The following JMJD1C variants were observed in gnomAD, a reference collection of about 807,000 sequenced individuals.
The protein encoded by JMJD1C is jumonji domain containing 1C, also known as jumonji domain-containing protein 1C.
A neutral mutation model predicts 245.3 loss-of-function variants in JMJD1C; 31 were observed. The observed-to-expected ratio is 0.13, with a 90% CI of 0.09 to 0.17. JMJD1C has a LOEUF of 0.17. JMJD1C is among the 10% of genes least tolerant of loss of function. JMJD1C has a pLI of 1.00. For synonymous variants in JMJD1C, 1,057 were observed against 1,017.4 expected (o/e 1.04, Z -0.74); for missense variants, 2,691 against 3,000.2 (o/e 0.90, Z 2.41).
At chr10:63,519,717 C>G (rs1397423104) in intron 1 of JMJD1C, among the ~76,000 whole-genome samples, 2 of 152,096 alleles carry the variant, frequency 1.3e-5, no homozygotes, top group African/African-American at 2.4e-5. Flanking sequence ...GAATGGGGAG[C>G]AAAGTGTTAA....
chr10:63,277,104 A>G (rs960506008), intron 2 of JMJD1C, among the ~76,000 whole-genome samples: 2 of 151,272 alleles, frequency 1.3e-5, no homozygotes, highest in Non-Finnish European at 3.0e-5. Flanking sequence ...GATGGTCTCG[A>G]TCTCCTGACC....
intron 10 of JMJD1C, chr10:63,203,681 CAAA>C (rs1175058360): frequency 2.0e-6 from 2 of 983,198 alleles, no homozygotes; most frequent in Non-Finnish European, 2.4e-6. Context: ...TTAAGAGAAA[CAAA>C]AAGGTAGCAG....
chr10:63,185,185 C>T (rs1843984447), intron 20 of JMJD1C, among the ~76,000 whole-genome samples: 1 of 152,238 alleles, frequency 6.6e-6, no homozygotes, highest in African/African-American at 2.4e-5. Context: ...GGCTGGAGTT[C>T]AGTGGCACGA....
intron 2 of JMJD1C, among the ~76,000 whole-genome samples, chr10:63,281,451 G>A (rs973407637): frequency 1.5e-5 from 2 of 136,942 alleles, no homozygotes; most frequent in Non-Finnish European, 1.5e-5. Flanking sequence ...GAGCCACTGC[G>A]CCTGGCCTTT....
intron 3 of JMJD1C, among the ~76,000 whole-genome samples, chr10:63,263,982 A>T (rs10995484): frequency 0.031 from 3,364 of 109,994 alleles, 344 homozygotes; most frequent in Non-Finnish European, 0.047. Flanking sequence ...ACACACACAC[A>T]CACACACACA....
chr10:63,193,024 T>A lies in JMJD1C; in HGVS notation c.5990A>T (p.Asp1997Val). ...GSSPESDVGT[D>V]NKLTPPESQS... ...GGATTCTGGAGGAGTTAACTTGTTA[T>A]CTGTGCCTACATCACTCTCTGGGCT... Residue 1997 changes from aspartate (D) to valine (V), a missense_variant, in exon 16 of 26, where the codon GAT becomes GTT. Physicochemically the swap from Asp to Val is radical, Grantham distance 152. This residue lies in a region of JMJD1C where 275 missense variants were observed against 285.5 expected (regional missense o/e 0.96). Coordinates refer to ENST00000399262, the MANE Select transcript of JMJD1C (RefSeq NM_032776.3). The A allele has an allele frequency of 1.2e-6, 2 of 1,614,188 alleles. No individual in the cohort carries two copies. Among genetic ancestry groups the A allele is most frequent in the Non-Finnish European group, 1.7e-6 (2 of 1,180,006 alleles).
intron 3 of JMJD1C, chr10:63,222,616 T>A (rs1589197603): frequency 1.9e-6 from 3 of 1,592,750 alleles, no homozygotes; most frequent in East Asian, 4.5e-5. Context: ...GAAACTCACA[T>A]GCTGAATTTT....
intron 2 of JMJD1C, among the ~76,000 whole-genome samples, chr10:63,307,878 G>A (rs569235581): frequency 1.3e-5 from 2 of 152,158 alleles, no homozygotes; most frequent in East Asian, 1.9e-4. Context: ...GGCTGGGCAC[G>A]GTGGGTCACA....
At chr10:63,493,439 G>A (rs1013033443) in intron 1 of JMJD1C, among the ~76,000 whole-genome samples, 4 of 151,124 alleles carry the variant, frequency 2.6e-5, no homozygotes, top group Non-Finnish European at 4.4e-5. Context: ...CAGCCACCAC[G>A]CCCTGCTAAT....
At chr10:63,521,865 C>G (rs934594940), upstream of JMJD1C, 1 of 169,686 alleles carries the variant, frequency 5.9e-6, no homozygotes, top group African/African-American at 2.4e-5. Flanking sequence ...GCCCCTGCTC[C>G]GGCGGCGCTG....
chr10:63,503,013 A>AT (rs929235440), intron 1 of JMJD1C, among the ~76,000 whole-genome samples: 55 of 152,358 alleles, frequency 3.6e-4, no homozygotes, highest in Admixed American at 1.8e-3. Flanking sequence ...AGATACTATT[A>AT]TTATACCCAT....
At chr10:63,281,914 CT>C (rs1415315547) in intron 2 of JMJD1C, among the ~76,000 whole-genome samples, 2 of 152,014 alleles carry the variant, frequency 1.3e-5, no homozygotes, top group African/African-American at 4.8e-5. Context: ...TGAGGTTAAC[CT>C]AAAATAAAAT....
rs757006564 is a variant in JMJD1C at position 63,183,459 on chromosome 10, G to C, written c.7072C>G (p.Leu2358Val). 5 of 1,603,862 alleles carry C rather than the reference G, an allele frequency of 3.1e-6. No individual in the cohort carries two copies. ...CTTTTAAGTTTACCTGCTTTTGAGA[G>C]AATGCCATTTCCTTTTGCTATGCCA... Reference protein sequence around the residue: ...YVGIAKGNGILSKAGILKKFE... With the variant: ...YVGIAKGNGIVSKAGILKKFE... Residue 2358 changes from leucine to valine, a missense_variant, in exon 22 of 26, where the codon CTC becomes GTC. This residue lies in a region of JMJD1C where 232 missense variants were observed against 416.1 expected (regional missense o/e 0.56). Coordinates refer to ENST00000399262, the MANE Select transcript of JMJD1C (RefSeq NM_032776.3).
intron 19 of JMJD1C, 93 bp from the exon 20 acceptor site, chr10:63,185,746 G>T: frequency 1.3e-6 from 1 of 759,502 alleles, no homozygotes; most frequent in South Asian, 1.5e-5. Flanking sequence ...TGAATGATTT[G>T]ATTGTTGCAC....
At position 63,264,772 on chromosome 10, in the gene JMJD1C, GA is replaced by G. The variant is rs770502308; in HGVS notation, c.334-9del. ...AACCAGAGGTTTGAAAGTCTGCCAA[GA>G]AAAAAAAAATTTCTAATGATAATTT... On this transcript the variant is annotated splice_polypyrimidine_tract_variant and intron_variant, in intron 2 of 25. Transcript: ENST00000399262. 9.5e-4 allele frequency: 1,197 copies of G among 1,264,608 alleles called. No homozygotes were observed. Among genetic ancestry groups the G allele is most frequent in the Admixed American group, 2.0e-3 (90 of 45,490 alleles). 78.3% of individuals were successfully genotyped at this position (1,264,608 alleles called of 1,614,324 possible). A position where few individuals can be genotyped will look rare whatever the true frequency, so the allele number is the denominator to read the frequency against.
intron 1 of JMJD1C, among the ~76,000 whole-genome samples, chr10:63,513,857 G>C (rs189968261): frequency 1.3e-5 from 2 of 152,248 alleles, no homozygotes; most frequent in Admixed American, 1.3e-4. Context: ...AGCGTGCAGT[G>C]AGCCGAGATC....
At chr10:63,475,605 A>C (rs767084935) in intron 1 of JMJD1C, among the ~76,000 whole-genome samples, 9 of 152,202 alleles carry the variant, frequency 5.9e-5, no homozygotes, top group Non-Finnish European at 1.0e-4. Context: ...AGGATTATCA[A>C]GAATAGAGGA....
chr10:63,370,588 C>T (rs948887023), intron 2 of JMJD1C, among the ~76,000 whole-genome samples: 3 of 152,150 alleles, frequency 2.0e-5, no homozygotes, highest in African/African-American at 4.8e-5. Flanking sequence ...CCAATTCTAA[C>T]GTTCAAGCCA....
At chr10:63,238,938 A>T (rs1001639542) in intron 3 of JMJD1C, among the ~76,000 whole-genome samples, 9 of 152,244 alleles carry the variant, frequency 5.9e-5, no homozygotes, top group African/African-American at 2.2e-4. Flanking sequence ...GAATTGAGAC[A>T]GACACACAAA....
Sources: allele counts gnomAD v4.1 joint callset (sites outside exome capture counted in the v4.1 genomes callset), GRCh38; gene constraint gnomAD v4.1.1; regional missense constraint gnomAD v4.1.1; transcripts MANE v1.5; gene names NCBI Gene and HGNC (gene_info 2026-07-23, HGNC 2026-07-21).